Variants in MBD3L1 observed in about 807,000 individuals in gnomAD.
MBD3L1 encodes the protein methyl-CpG binding domain protein 3 like 1.
For synonymous variants in MBD3L1, 84 were observed against 85.1 expected (o/e 0.99, Z 0.07); for missense variants, 203 against 230.1 (o/e 0.88, Z 0.76).
chr19:8,834,921 A>G (rs2044438366), intron 1 of MBD3L1, among the ~76,000 whole-genome samples: 1 of 152,236 alleles, frequency 6.6e-6, no homozygotes, highest in Non-Finnish European at 1.5e-5. Flanking sequence ...ACCATCAAGA[A>G]AAAAGACAAA....
In MBD3L1 at chr19:8,842,864, T is replaced by C. The variant is rs754847592; in HGVS notation, c.186T>C (p.Pro62=). 80 of 1,614,054 alleles carry C rather than the reference T, an allele frequency of 5.0e-5. 1 individual carries two copies. In the South Asian group the frequency reaches 6.7e-4, roughly 14 times the overall value. ...AATGGGAGGAGAGCTTGGAGAAGCC[T>C]CAGCAGGTCTGCTGGCAGAGGAGAC... ...YHQWEESLEK[P]QQVCWQRRLQ... is the part of the protein sequence containing the mutation. The change falls in exon 3 of 3, where the codon CCT becomes CCC. Residue 62 remains proline, a synonymous_variant. Transcript: ENST00000595891.
At position 8,842,095 on chromosome 19, in the gene MBD3L1, AG is replaced by A. The variant is rs202207130; in HGVS notation, c.-21-556del. On this transcript the variant is annotated intron_variant, in intron 2 of 2. Transcript: ENST00000595891. Reference sequence around the variant, plus strand: ...GTAATCCCAGCACTTTGGGAGGTCGAGGGGGGGTGGATCACTTGAGTTCAGG... The same window carrying A: ...GTAATCCCAGCACTTTGGGAGGTCGAGGGGGGTGGATCACTTGAGTTCAGG... 5.5e-4 allele frequency among the ~76,000 whole-genome samples: 83 copies of A among 151,916 alleles called. 1 individual carries two copies. The East Asian group carries it at 9.6e-3, about 18-fold the overall frequency.
chr19:8,835,614 G>A lies in MBD3L1; in HGVS notation c.-107+3092G>A, dbSNP rs375115416. ...AATGGTGCACCCACTTTGCAAAATAGTTTGGCAGTTCCTCAAAAAGTCATA... is the reference window on the plus strand; with the variant it reads ...AATGGTGCACCCACTTTGCAAAATAATTTGGCAGTTCCTCAAAAAGTCATA... On this transcript the variant is annotated intron_variant, in intron 1 of 2. Transcript: ENST00000595891. Among the ~76,000 whole-genome samples the A allele has an allele frequency of 2.0e-4, 30 of 152,292 alleles. No homozygotes were observed. The East Asian group carries it at 2.9e-3, about 15-fold the overall frequency.
intron 1 of MBD3L1, among the ~76,000 whole-genome samples, chr19:8,839,185 C>CTTTT (rs57499698): frequency 4.1e-5 from 5 of 122,124 alleles, no homozygotes; most frequent in African/African-American, 6.5e-5. Flanking sequence ...CTTTTCTTTT[C>CTTTT]TTTTTTTTTT....
intron 1 of MBD3L1, among the ~76,000 whole-genome samples, chr19:8,836,947 A>G (rs2044462128): frequency 6.6e-6 from 1 of 152,214 alleles, no homozygotes; most frequent in Admixed American, 6.5e-5. Flanking sequence ...GCCAGTAAAA[A>G]CATCATCAAA....
intron 1 of MBD3L1, among the ~76,000 whole-genome samples, chr19:8,834,645 A>G (rs1007305026): frequency 4.6e-5 from 7 of 151,886 alleles, no homozygotes; most frequent in East Asian, 3.8e-4. Flanking sequence ...AAACAAAAAA[A>G]AAACCAACCA....
At chr19:8,833,182 C>T (rs2044404710) in intron 1 of MBD3L1, 1 of 152,242 alleles carries the variant, frequency 6.6e-6, no homozygotes, top group Admixed American at 6.5e-5. Flanking sequence ...GGGGTAGGGC[C>T]TTCCTTGGAT....
intron 1 of MBD3L1, among the ~76,000 whole-genome samples, chr19:8,834,767 A>C (rs145842782): frequency 6.6e-6 from 1 of 152,272 alleles, no homozygotes; most frequent in African/African-American, 2.4e-5. Context: ...AAAACTATAA[A>C]CTTCTTGGAA....
intron 1 of MBD3L1, chr19:8,833,274 T>C (rs2044406908): frequency 6.6e-6 from 1 of 152,190 alleles, no homozygotes; most frequent in Non-Finnish European, 1.5e-5. Context: ...TGTCTATAAC[T>C]TGCTTTCCCA....
chr19:8,842,099 G>C (rs112610466), intron 2 of MBD3L1, among the ~76,000 whole-genome samples: 20 of 152,164 alleles, frequency 1.3e-4, no homozygotes, highest in African/African-American at 4.8e-4. Context: ...AGGTCGAGGG[G>C]GGGTGGATCA....
chr19:8,836,648 C>T (rs1208951022), intron 1 of MBD3L1, among the ~76,000 whole-genome samples: 4 of 152,096 alleles, frequency 2.6e-5, no homozygotes, highest in Non-Finnish European at 4.4e-5. Flanking sequence ...TGCACCACCA[C>T]GCCCAGCTAG....
chr19:8,843,178 G>C lies in MBD3L1; in HGVS notation c.500G>C (p.Arg167Thr), dbSNP rs760213766. 1 of 1,613,768 alleles carries C rather than the reference G, an allele frequency of 6.2e-7. No individual in the cohort carries two copies. The highest frequency in any genetic ancestry group is 8.5e-7 in the Non-Finnish European group (1 of 1,179,906). ...GGGAAAGTGAAGACAGTCAGAGAGA[G>C]ACTCGCAATAGCACTGATTGCGGAT... ...QEGKVKTVRE[R>T]LAIALIADGL... The change falls in exon 3 of 3, where the codon AGA (arginine) becomes ACA (threonine). Residue 167 changes from arginine (R) to threonine (T), a missense_variant. Physicochemically the swap from Arg to Thr is moderately conservative, Grantham distance 71. Transcript: ENST00000595891.
At chr19:8,841,754 G>T (rs759473415) in intron 2 of MBD3L1, among the ~76,000 whole-genome samples, 1 of 151,104 alleles carries the variant, frequency 6.6e-6, no homozygotes, top group Non-Finnish European at 1.5e-5. Flanking sequence ...ATGGGGTTTC[G>T]CCATGTTGGC....
At chr19:8,836,162 G>T (rs1387294692) in intron 1 of MBD3L1, among the ~76,000 whole-genome samples, 1 of 152,082 alleles carries the variant, frequency 6.6e-6, no homozygotes, top group Admixed American at 6.6e-5. Context: ...TATTATGGTA[G>T]CTCAATAAAG....
In MBD3L1 at chr19:8,842,655, T is replaced by C. The variant is rs2145359220; in HGVS notation, c.-21-3T>C. 2 of 1,586,900 alleles carry C rather than the reference T, an allele frequency of 1.3e-6. No individual in the cohort carries two copies. The highest frequency in any genetic ancestry group is 1.1e-5 in the South Asian group (1 of 88,994). On this transcript the variant is annotated splice_region_variant and splice_polypyrimidine_tract_variant and intron_variant, in intron 2 of 2. Transcript: ENST00000595891. Reference sequence around the variant, plus strand: ...GACCCCATTTCATGATTTATTTTAATAGTGTAAGAGGAAAAGAAGTGTGAT... The same window carrying C: ...GACCCCATTTCATGATTTATTTTAACAGTGTAAGAGGAAAAGAAGTGTGAT...
chr19:8,837,720 T>C (rs1251150262), intron 1 of MBD3L1, among the ~76,000 whole-genome samples: 1 of 152,166 alleles, frequency 6.6e-6, no homozygotes, highest in Non-Finnish European at 1.5e-5. Context: ...TACTTTATAC[T>C]CTGATAGTCA....
In MBD3L1 at chr19:8,832,473, G is replaced by A. The variant is rs1475939991; in HGVS notation, c.-156G>A. 1 of 152,692 alleles carries A rather than the reference G, an allele frequency of 6.5e-6. No homozygotes were observed. Among genetic ancestry groups the A allele is most frequent in the Non-Finnish European group, 1.5e-5 (1 of 68,360 alleles). 9.5% of individuals were successfully genotyped at this position (152,692 alleles called of 1,614,324 possible). ...CCCAGCCTTGGGCAGAGGTGTTCTAGTTTGCTTAGTGGGCACAAAGTTGGG... is the reference window on the plus strand; with the variant it reads ...CCCAGCCTTGGGCAGAGGTGTTCTAATTTGCTTAGTGGGCACAAAGTTGGG... On this transcript the variant is annotated 5_prime_UTR_variant, in exon 1 of 3. Coordinates refer to ENST00000595891, the MANE Select transcript of MBD3L1 (RefSeq NM_001393532.1).
At chr19:8,832,994 GCTGA>G (rs2044400201) in intron 1 of MBD3L1, 1 of 153,232 alleles carries the variant, frequency 6.5e-6, no homozygotes, top group Non-Finnish European at 1.4e-5. Context: ...TGGGGGCGGG[GCTGA>G]CTGTGGGCGG....
intron 1 of MBD3L1, among the ~76,000 whole-genome samples, chr19:8,837,073 G>T (rs2044463456): frequency 6.6e-6 from 1 of 152,156 alleles, no homozygotes; most frequent in South Asian, 2.1e-4. Flanking sequence ...CTCAAGTAAT[G>T]CAAAACATTT....
Sources: gnomAD v4.1 joint callset for allele counts (sites outside exome capture counted in the v4.1 genomes callset) on GRCh38, gnomAD v4.1.1 for gene constraint, MANE v1.5 for transcripts, NCBI Gene and HGNC (gene_info 2026-07-23, HGNC 2026-07-21) for gene names.